The following BBS9 variants were observed in gnomAD, a reference collection of about 807,000 sequenced individuals.
BBS9 encodes Bardet-Biedl syndrome 9.
Under a neutral mutation model 117.7 loss-of-function variants are expected in BBS9, and 89 were observed. The ratio of observed to expected loss-of-function variants is 0.76; its 90% CI spans 0.64 to 0.90. The LOEUF (loss-of-function observed/expected upper bound fraction) is 0.90, where lower values mean the gene tolerates loss of function less well. BBS9 is among the 40% of genes least tolerant of loss of function. The pLI, the probability that BBS9 is intolerant of heterozygous loss-of-function variation, is 0.00. For missense variants in BBS9, 982 were observed against 1,042.2 expected, an observed-to-expected ratio of 0.94 and a Z score of 0.80; for synonymous variants, 379 against 370.9, an observed-to-expected ratio of 1.02 and a Z score of -0.25.
chr7:33,167,532 G>A (rs1183961913), intron 4 of BBS9, among the ~76,000 whole-genome samples: 2 of 151,440 alleles, frequency 1.3e-5, no homozygotes, highest in Non-Finnish European at 2.9e-5. Context: ...CCTCCTGGGT[G>A]GCTGGGATTG....
intron 5 of BBS9, among the ~76,000 whole-genome samples, chr7:33,247,956 C>A (rs1022839982): frequency 5.9e-5 from 9 of 152,082 alleles, no homozygotes; most frequent in East Asian, 1.9e-4. Context: ...ATGTTATTAA[C>A]CTTGTTCACA....
At chr7:33,300,261 A>C (rs1806110272) in intron 9 of BBS9, among the ~76,000 whole-genome samples, 1 of 151,940 alleles carries the variant, frequency 6.6e-6, no homozygotes, top group South Asian at 2.1e-4. Flanking sequence ...CTTGCCAATG[A>C]TTTTCATTGG....
chr7:33,205,341 T>A (rs1460321064), intron 5 of BBS9, among the ~76,000 whole-genome samples: 1 of 152,180 alleles, frequency 6.6e-6, no homozygotes, highest in Non-Finnish European at 1.5e-5. Flanking sequence ...ACCTCCTTTT[T>A]AACCAGTATT....
chr7:33,414,183 T>C lies in BBS9; in HGVS notation c.2115+26039T>C, dbSNP rs116371374. Among the ~76,000 whole-genome samples the C allele has an allele frequency of 6.3e-3, 964 of 152,242 alleles. 7 individuals are homozygous for C. Among genetic ancestry groups the C allele is most frequent in the Middle Eastern group, 0.017 (5 of 294 alleles). ...TTTTGGGATTTAGATCAGTTAGTAG[T>C]AATTTCCCTTCAGGCCTACACATAT... On this transcript the variant is annotated intron_variant, in intron 19 of 22. Transcript: ENST00000242067.
At chr7:33,589,233 C>T (rs1421861627) in intron 21 of BBS9, among the ~76,000 whole-genome samples, 1 of 151,992 alleles carries the variant, frequency 6.6e-6, no homozygotes, top group Non-Finnish European at 1.5e-5. Context: ...TTGTGTTTTC[C>T]TATACAATAA....
intron 5 of BBS9, among the ~76,000 whole-genome samples, chr7:33,238,324 C>T (rs1562856265): frequency 6.6e-6 from 1 of 151,760 alleles, no homozygotes; most frequent in Non-Finnish European, 1.5e-5. Context: ...GAGTTTCGCT[C>T]TTGCTGTCCA....
At chr7:33,223,143 A>C (rs1340497463) in intron 5 of BBS9, among the ~76,000 whole-genome samples, 2 of 152,042 alleles carry the variant, frequency 1.3e-5, no homozygotes, top group South Asian at 2.1e-4. Flanking sequence ...TTTTTATGGC[A>C]GTCAATATTT....
chr7:33,162,032 G>C (rs1191052743), intron 4 of BBS9, among the ~76,000 whole-genome samples: 3 of 152,138 alleles, frequency 2.0e-5, no homozygotes, highest in Non-Finnish European at 2.9e-5. Flanking sequence ...CCCTTTGTCA[G>C]ATGGGTAGAT....
chr7:33,397,459 C>T (rs1483873042), intron 19 of BBS9, among the ~76,000 whole-genome samples: 1 of 152,110 alleles, frequency 6.6e-6, no homozygotes, highest in Non-Finnish European at 1.5e-5. Flanking sequence ...CGAGCAATCC[C>T]ATTACTGAGT....
chr7:33,431,756 T>C (rs1285020695), intron 19 of BBS9, among the ~76,000 whole-genome samples: 1 of 152,224 alleles, frequency 6.6e-6, no homozygotes. Flanking sequence ...TGTTTTGCTA[T>C]AGCAGCCCAA....
At chr7:33,338,947 A>T (rs1815950900) in intron 10 of BBS9, among the ~76,000 whole-genome samples, 1 of 152,210 alleles carries the variant, frequency 6.6e-6, no homozygotes, top group African/African-American at 2.4e-5. Flanking sequence ...AGACGTGGGG[A>T]TATAAATGAA....
intron 20 of BBS9, among the ~76,000 whole-genome samples, chr7:33,514,167 C>T (rs935299649): frequency 2.6e-5 from 4 of 152,164 alleles, no homozygotes; most frequent in African/African-American, 9.7e-5. Flanking sequence ...ACTTAACTAG[C>T]TCTGTGTCCT....
chr7:33,579,344 A>G (rs2129155195), intron 21 of BBS9, among the ~76,000 whole-genome samples: 1 of 152,236 alleles, frequency 6.6e-6, no homozygotes, highest in South Asian at 2.1e-4. Flanking sequence ...GTTTCCTAGT[A>G]TTGCCAGGTC....
chr7:33,555,675 T>C (rs1052083483), intron 21 of BBS9, among the ~76,000 whole-genome samples: 3 of 152,084 alleles, frequency 2.0e-5, no homozygotes, highest in East Asian at 3.9e-4. Flanking sequence ...AACCCCCAGA[T>C]TGCTGGTTCT....
intron 19 of BBS9, among the ~76,000 whole-genome samples, chr7:33,463,533 A>G (rs1429124763): frequency 1.3e-5 from 2 of 152,078 alleles, no homozygotes; most frequent in Non-Finnish European, 2.9e-5. Flanking sequence ...GTGAGTTTAT[A>G]CAGTATCTCT....
chr7:33,258,881 C>G (rs1366930095), intron 6 of BBS9, among the ~76,000 whole-genome samples: 1 of 152,132 alleles, frequency 6.6e-6, no homozygotes, highest in East Asian at 1.9e-4. Context: ...CAGAAGCTCA[C>G]ATTGTTTTAA....
intron 19 of BBS9, among the ~76,000 whole-genome samples, chr7:33,409,596 C>A (rs2128816289): frequency 6.6e-6 from 1 of 152,236 alleles, no homozygotes. Flanking sequence ...GTGTTGCCTC[C>A]AGGTTGCCCT....
chr7:33,611,601 TTTAA>T (rs1231928832), intron 21 of BBS9, among the ~76,000 whole-genome samples: 1 of 112,404 alleles, frequency 8.9e-6, no homozygotes, highest in Non-Finnish European at 1.7e-5. Context: ...AATAATATTA[TTTAA>T]TTAATTAATA....
chr7:33,272,141 C>A (rs1391246772), intron 7 of BBS9, among the ~76,000 whole-genome samples: 2 of 152,130 alleles, frequency 1.3e-5, no homozygotes, highest in Non-Finnish European at 2.9e-5. Context: ...AATGCAGGAA[C>A]AGAAAACCAA....
Sources: gnomAD v4.1 joint callset for allele counts (sites outside exome capture counted in the v4.1 genomes callset) on GRCh38, gnomAD v4.1.1 for gene constraint, MANE v1.5 for transcripts, NCBI Gene and HGNC (gene_info 2026-07-23, HGNC 2026-07-21) for gene names.